The following TMEM132C variants were observed in gnomAD, a reference collection of about 807,000 sequenced individuals.
TMEM132C encodes the protein protein phosphatase 1, regulatory subunit 152.
Under a neutral mutation model 61.4 loss-of-function variants are expected in TMEM132C, and 29 were observed. That is an observed-to-expected ratio of 0.47 (90% CI 0.35 to 0.64). The LOEUF is 0.64. Ranked by LOEUF, TMEM132C falls within the 30% of genes least tolerant of loss-of-function variation. TMEM132C has a pLI of 0.00. For synonymous variants in TMEM132C, 656 were observed against 633.1 expected, an observed-to-expected ratio of 1.04 and a Z score of -0.54; for missense variants, 1,408 against 1,476.9, an observed-to-expected ratio of 0.95 and a Z score of 0.76.
At chr12:128,534,727 C>G (rs907828908) in intron 2 of TMEM132C, among the ~76,000 whole-genome samples, 1 of 152,182 alleles carries the variant, frequency 6.6e-6, no homozygotes, top group African/African-American at 2.4e-5. Flanking sequence ...ACAACTAGTT[C>G]CTTGAAGTAG....
At chr12:128,550,393 C>T (rs1299568366) in intron 3 of TMEM132C, among the ~76,000 whole-genome samples, 1 of 151,872 alleles carries the variant, frequency 6.6e-6, no homozygotes, top group East Asian at 1.9e-4. Flanking sequence ...GCCTTGACTT[C>T]CTGGGCTCAA....
Position 128,655,232 on chromosome 12 carries a change from CT to C in TMEM132C, c.1306-14184del, listed in dbSNP as rs544448188. On this transcript the variant is annotated intron_variant, in intron 4 of 8. Coordinates refer to ENST00000435159, the MANE Select transcript of TMEM132C (RefSeq NM_001136103.3). The stretch of plus-strand genomic sequence containing the variant: ...CGGTAACAGGGTTCTCTTTTCTCCC[CT>C]GATGAGAGGAGTTGTTATACCGCAC... Among the ~76,000 whole-genome samples the C allele has an allele frequency of 5.6e-4, 85 of 152,320 alleles. 1 individual carries two copies. In the South Asian group the frequency reaches 0.011, roughly 20 times the overall value.
intron 1 of TMEM132C, among the ~76,000 whole-genome samples, chr12:128,284,725 C>G (rs1871005324): frequency 6.6e-6 from 1 of 152,016 alleles, no homozygotes. Flanking sequence ...AAGTCAGTGG[C>G]TTAAGTTAAT....
intron 2 of TMEM132C, among the ~76,000 whole-genome samples, chr12:128,493,998 G>C (rs1453169263): frequency 6.6e-6 from 1 of 152,110 alleles, no homozygotes; most frequent in African/African-American, 2.4e-5. Context: ...GTCATAAATA[G>C]CTCTTATTAT....
At chr12:128,542,856 A>T (rs12830799) in intron 2 of TMEM132C, among the ~76,000 whole-genome samples, 64,219 of 131,724 alleles carry the variant, frequency 0.49, 15,550 homozygotes, top group Non-Finnish European at 0.53. Context: ...CAATACTTCG[A>T]TGCAAAAAAA....
chr12:128,334,103 C>A (rs1258552099), intron 1 of TMEM132C, among the ~76,000 whole-genome samples: 2 of 152,122 alleles, frequency 1.3e-5, no homozygotes, highest in Admixed American at 6.6e-5. Context: ...AATCTCTCCA[C>A]CTCACCCCAC....
At chr12:128,444,231 T>G (rs570088253) in intron 2 of TMEM132C, among the ~76,000 whole-genome samples, 87 of 152,336 alleles carry the variant, frequency 5.7e-4, no homozygotes, top group Non-Finnish European at 9.7e-4. Context: ...GATCTCTCCT[T>G]CTTCAAGTTC....
intron 2 of TMEM132C, among the ~76,000 whole-genome samples, chr12:128,539,359 G>C (rs1261737971): frequency 1.3e-5 from 2 of 152,218 alleles, no homozygotes; most frequent in African/African-American, 4.8e-5. Flanking sequence ...TCTCACACCT[G>C]TAATCCCAGC....
intron 3 of TMEM132C, among the ~76,000 whole-genome samples, chr12:128,556,520 A>C (rs1874334222): frequency 6.6e-6 from 1 of 152,300 alleles, no homozygotes; most frequent in African/African-American, 2.4e-5. Flanking sequence ...TCCAAGGAAC[A>C]TACTCTCCAT....
intron 4 of TMEM132C, among the ~76,000 whole-genome samples, chr12:128,643,397 C>T (rs1266142539): frequency 6.6e-6 from 1 of 152,168 alleles, no homozygotes; most frequent in Non-Finnish European, 1.5e-5. Context: ...CTGGCGGATA[C>T]TCCCAGACTC....
At chr12:128,652,542 C>T (rs1019351082) in intron 4 of TMEM132C, among the ~76,000 whole-genome samples, 7 of 152,232 alleles carry the variant, frequency 4.6e-5, no homozygotes, top group Non-Finnish European at 1.0e-4. Context: ...ACAGAGTTCT[C>T]GGAGCCACAA....
At chr12:128,473,680 A>T (rs1281893636) in intron 2 of TMEM132C, among the ~76,000 whole-genome samples, 1 of 150,680 alleles carries the variant, frequency 6.6e-6, no homozygotes, top group East Asian at 1.9e-4. Flanking sequence ...TTCTATCTTC[A>T]TCCTCACTCC....
intron 4 of TMEM132C, among the ~76,000 whole-genome samples, chr12:128,622,242 G>A (rs1238434661): frequency 6.7e-6 from 1 of 149,742 alleles, no homozygotes; most frequent in Non-Finnish European, 1.5e-5. Flanking sequence ...TACTCGGGAG[G>A]CTGAGGCAGG....
intron 8 of TMEM132C, among the ~76,000 whole-genome samples, chr12:128,698,069 A>G (rs922296374): frequency 1.3e-5 from 2 of 152,188 alleles, no homozygotes; most frequent in African/African-American, 2.4e-5. Flanking sequence ...ATGGGATATA[A>G]GCTCTACAAG....
intron 1 of TMEM132C, among the ~76,000 whole-genome samples, chr12:128,268,968 A>AG (rs1432559182): frequency 2.7e-5 from 2 of 73,464 alleles, no homozygotes; most frequent in Admixed American, 2.2e-4. Context: ...GACGAGGGAA[A>AG]GGGGGGGCAA....
intron 2 of TMEM132C, among the ~76,000 whole-genome samples, chr12:128,495,320 G>T (rs1159277120): frequency 6.6e-6 from 1 of 152,062 alleles, no homozygotes; most frequent in Non-Finnish European, 1.5e-5. Context: ...CTGTTGATTT[G>T]GGGTGGAGAG....
At chr12:128,307,852 A>T (rs1871835542) in intron 1 of TMEM132C, among the ~76,000 whole-genome samples, 1 of 152,154 alleles carries the variant, frequency 6.6e-6, no homozygotes, top group South Asian at 2.1e-4. Context: ...TCTTCACCCC[A>T]AGAAGTCATT....
intron 2 of TMEM132C, among the ~76,000 whole-genome samples, chr12:128,527,734 T>TGTGTGTGTGTGTGTGTG (rs34851103): frequency 6.6e-6 from 1 of 151,212 alleles, no homozygotes; most frequent in African/African-American, 2.4e-5. Context: ...TGTGTGTGTG[T>TGTGTGTGTGTGTGTGTG]TACATCCATA....
chr12:128,352,383 G>A (rs1420821651), intron 1 of TMEM132C, among the ~76,000 whole-genome samples: 1 of 152,104 alleles, frequency 6.6e-6, no homozygotes, highest in Non-Finnish European at 1.5e-5. Context: ...AGAACGGCAT[G>A]GGGAACCATG....
Sources: gnomAD v4.1 joint callset for allele counts (sites outside exome capture counted in the v4.1 genomes callset) on GRCh38, gnomAD v4.1.1 for gene constraint, MANE v1.5 for transcripts, NCBI Gene and HGNC (gene_info 2026-07-23, HGNC 2026-07-21) for gene names.